Variants in DLGAP2 observed in about 807,000 individuals in gnomAD.
The protein encoded by DLGAP2 is DLG associated protein 2, also known as disks large-associated protein 2.
Under a neutral mutation model 100.3 loss-of-function variants are expected in DLGAP2, and 26 were observed. The observed-to-expected ratio is 0.26, with a 90% CI of 0.19 to 0.36. The LOEUF (loss-of-function observed/expected upper bound fraction) is 0.36. Ranked by LOEUF, DLGAP2 falls within the 10% of genes least tolerant of loss-of-function variation. The pLI is 1.00. For synonymous variants in DLGAP2, 886 were observed against 630.1 expected, an observed-to-expected ratio of 1.41 and a Z score of -6.08; for missense variants, 1,858 against 1,453.2, an observed-to-expected ratio of 1.28 and a Z score of -4.53.
intron 4 of DLGAP2, among the ~76,000 whole-genome samples, chr8:1,525,175 T>G (rs1800750551): frequency 6.7e-6 from 1 of 149,896 alleles, no homozygotes; most frequent in Non-Finnish European, 1.5e-5. Context: ...CCGGTGTGTC[T>G]CTAGGACTCT....
chr8:1,036,310 C>T (rs1004178483), intron 2 of DLGAP2, among the ~76,000 whole-genome samples: 2 of 152,268 alleles, frequency 1.3e-5, no homozygotes, highest in African/African-American at 2.4e-5. Context: ...CAGCAGTAAA[C>T]ATGCCACAGC....
chr8:763,561 G>C (rs896369557), intron 1 of DLGAP2, among the ~76,000 whole-genome samples: 3 of 152,248 alleles, frequency 2.0e-5, no homozygotes, highest in Admixed American at 6.5e-5. Context: ...GAGAATAAGA[G>C]AGTTGGAGTG....
At chr8:1,173,320 A>G (rs988862747) in intron 2 of DLGAP2, among the ~76,000 whole-genome samples, 13 of 152,286 alleles carry the variant, frequency 8.5e-5, no homozygotes, top group African/African-American at 1.2e-4. Context: ...TAGGCTGCTC[A>G]GGGGTCAGGG....
At chr8:898,149 G>A (rs1458099598) in intron 1 of DLGAP2, among the ~76,000 whole-genome samples, 1 of 152,200 alleles carries the variant, frequency 6.6e-6, no homozygotes, top group Admixed American at 6.5e-5. Context: ...GCAGGAAAGC[G>A]CTCAGTCAGC....
chr8:1,567,999 C>T lies in DLGAP2; in HGVS notation c.1442+2105C>T, dbSNP rs548739144. ...GTTCTAAACACAAATCCACTCTGCC[C>T]GTGGACCCCCATGCCACTGTCCACT... On this transcript the variant is annotated intron_variant, in intron 6 of 14. Transcript: ENST00000637795. Among the ~76,000 whole-genome samples, 13 of 152,198 alleles carry T rather than the reference C, an allele frequency of 8.5e-5. No homozygotes were observed. The South Asian group carries it at 1.5e-3, about 17-fold the overall frequency.
intron 1 of DLGAP2, among the ~76,000 whole-genome samples, chr8:906,516 G>A (rs796165686): frequency 1.3e-5 from 2 of 152,204 alleles, no homozygotes; most frequent in African/African-American, 4.8e-5. Flanking sequence ...CCTCGAAGGC[G>A]TCAAACCCCG....
chr8:1,549,762 A>G lies in DLGAP2; in HGVS notation c.1230+79A>G, dbSNP rs369516512. The stretch of plus-strand genomic sequence containing the variant: ...TCGTTATTCCTTTTTTAATTGACAG[A>G]TAACAACTGCATACACATTTAGGTT... On this transcript the variant is annotated intron_variant, in intron 5 of 14. Transcript: ENST00000637795. 8.8e-6 allele frequency: 12 copies of G among 1,369,966 alleles called. No homozygotes were observed. In the African/African-American group the frequency reaches 1.0e-4, roughly 12 times the overall value. 84.9% of individuals were successfully genotyped at this position (1,369,966 alleles called of 1,614,324 possible).
intron 3 of DLGAP2, among the ~76,000 whole-genome samples, chr8:1,275,807 TAA>T (rs1442789838): frequency 5.5e-4 from 46 of 83,524 alleles, no homozygotes; most frequent in African/African-American, 2.3e-3. Context: ...AATAAATATA[TAA>T]GATATATAAT....
chr8:1,347,581 G>A (rs1801594957), intron 3 of DLGAP2, among the ~76,000 whole-genome samples: 1 of 151,832 alleles, frequency 6.6e-6, no homozygotes, highest in Non-Finnish European at 1.5e-5. Flanking sequence ...TGCTGTCTTG[G>A]TAACTGTGTG....
At chr8:1,431,992 C>T (rs541657654) in intron 3 of DLGAP2, among the ~76,000 whole-genome samples, 220 of 150,156 alleles carry the variant, frequency 1.5e-3, no homozygotes, top group African/African-American at 5.0e-3. Flanking sequence ...TGAATCCTGC[C>T]GGCACCCAGC....
At chr8:968,673 A>G (rs1314008364) in intron 2 of DLGAP2, among the ~76,000 whole-genome samples, 1 of 152,142 alleles carries the variant, frequency 6.6e-6, no homozygotes, top group Non-Finnish European at 1.5e-5. Context: ...TTTGTAACAT[A>G]CAGGGACGAA....
At chr8:988,753 C>G (rs938652681) in intron 2 of DLGAP2, among the ~76,000 whole-genome samples, 19 of 152,184 alleles carry the variant, frequency 1.2e-4, no homozygotes, top group African/African-American at 4.3e-4. Context: ...TCCACCCTCC[C>G]TAGACCCAGG....
intron 1 of DLGAP2, among the ~76,000 whole-genome samples, chr8:861,081 T>A (rs551797775): frequency 4.6e-5 from 7 of 151,514 alleles, no homozygotes; most frequent in African/African-American, 1.7e-4. Flanking sequence ...GGAGAGGGAG[T>A]GGGGCAGTGA....
At chr8:916,152 C>G (rs1798589456) in intron 2 of DLGAP2, among the ~76,000 whole-genome samples, 1 of 152,244 alleles carries the variant, frequency 6.6e-6, no homozygotes, top group South Asian at 2.1e-4. Context: ...GCTCCGCACT[C>G]TCTTTTCCTA....
Position 892,652 on chromosome 8 carries a change from G to C in DLGAP2, c.19-15260G>C, listed in dbSNP as rs890162862. On this transcript the variant is annotated intron_variant, in intron 1 of 14. Coordinates refer to ENST00000637795, the MANE Select transcript of DLGAP2 (RefSeq NM_001346810.2). ...CCTGGGTAGGTCAGCTCCCTGGTCT[G>C]TTCCCTGTGCTGGAAGCACAGTTCC... is the stretch of plus-strand genomic sequence containing the variant. Among the ~76,000 whole-genome samples, 9 of 152,306 alleles carry C rather than the reference G, an allele frequency of 5.9e-5. No homozygotes were observed. In the East Asian group the frequency reaches 1.7e-3, roughly 29 times the overall value.
chr8:1,648,439 G>C (rs1259749767), intron 8 of DLGAP2, among the ~76,000 whole-genome samples: 1 of 152,056 alleles, frequency 6.6e-6, no homozygotes, highest in Non-Finnish European at 1.5e-5. Context: ...CCTGCGTGGT[G>C]TACTGTGAAA....
At chr8:1,174,583 C>T (rs1389383408) in intron 2 of DLGAP2, among the ~76,000 whole-genome samples, 1 of 151,830 alleles carries the variant, frequency 6.6e-6, no homozygotes, top group East Asian at 1.9e-4. Context: ...CCACCATTAC[C>T]ATCATTGTCG....
intron 3 of DLGAP2, among the ~76,000 whole-genome samples, chr8:1,308,299 C>A (rs993736802): frequency 6.6e-6 from 1 of 152,282 alleles, no homozygotes; most frequent in Non-Finnish European, 1.5e-5. Flanking sequence ...AACAGAGACT[C>A]CAGTGACTGC....
chr8:1,493,983 C>T (rs1169720637), intron 3 of DLGAP2, among the ~76,000 whole-genome samples: 1 of 152,212 alleles, frequency 6.6e-6, no homozygotes, highest in Admixed American at 6.5e-5. Context: ...CTCCTGACCA[C>T]GGAGGGGCTG....
Sources: allele counts gnomAD v4.1 joint callset (sites outside exome capture counted in the v4.1 genomes callset), GRCh38; gene constraint gnomAD v4.1.1; transcripts MANE v1.5; gene names NCBI Gene and HGNC (gene_info 2026-07-23, HGNC 2026-07-21).